CCDC91: variants seen among roughly 807,000 people sequenced by gnomAD.
The protein encoded by CCDC91 is coiled-coil domain-containing protein 91.
In CCDC91, 48 loss-of-function variants were observed where a neutral mutation model predicts 63.2. The observed-to-expected ratio is 0.76, with a 90% CI of 0.60 to 0.97. The LOEUF (loss-of-function observed/expected upper bound fraction) is 0.97. Ranked by LOEUF, CCDC91 falls within the 50% of genes least tolerant of loss-of-function variation. CCDC91 has a pLI of 0.00. For synonymous variants in CCDC91, 167 were observed against 165.8 expected, an observed-to-expected ratio of 1.01 and a Z score of -0.06; for missense variants, 500 against 494.6, an observed-to-expected ratio of 1.01 and a Z score of -0.10.
intron 11 of CCDC91, among the ~76,000 whole-genome samples, chr12:28,483,052 GTCTT>G (rs1225909476): frequency 2.6e-5 from 4 of 151,890 alleles, no homozygotes; most frequent in Non-Finnish European, 5.9e-5. Flanking sequence ...ATATATGTGT[GTCTT>G]TCTTTGTGTT....
chr12:28,272,421 T>G (rs942640030), intron 3 of CCDC91, among the ~76,000 whole-genome samples: 2 of 151,744 alleles, frequency 1.3e-5, no homozygotes, highest in African/African-American at 4.8e-5. Context: ...AGTCGCTTTT[T>G]TTTTTTTTTG....
intron 1 of CCDC91, chr12:28,256,643 T>G (rs1946476082): frequency 6.5e-6 from 1 of 152,846 alleles, no homozygotes; most frequent in Non-Finnish European, 1.5e-5. Flanking sequence ...ATCAGCCTAG[T>G]AACTTGCTCC....
intron 6 of CCDC91, among the ~76,000 whole-genome samples, chr12:28,347,524 C>T (rs941779298): frequency 2.6e-5 from 4 of 152,164 alleles, no homozygotes; most frequent in African/African-American, 9.7e-5. Flanking sequence ...AGATTAGGTA[C>T]AGTTACTTAG....
chr12:28,410,421 A>C (rs893155758), intron 8 of CCDC91, among the ~76,000 whole-genome samples: 2 of 152,132 alleles, frequency 1.3e-5, no homozygotes, highest in Admixed American at 6.5e-5. Flanking sequence ...TTATGTTTCA[A>C]ATGGGTTTTC....
chr12:28,278,408 T>A (rs1948386804), intron 3 of CCDC91, among the ~76,000 whole-genome samples: 1 of 152,072 alleles, frequency 6.6e-6, no homozygotes, highest in Admixed American at 6.6e-5. Flanking sequence ...ATGCCATCAT[T>A]CTTGACCCTT....
chr12:28,537,266 A>G (rs1942252010), intron 12 of CCDC91, among the ~76,000 whole-genome samples: 1 of 152,096 alleles, frequency 6.6e-6, no homozygotes, highest in African/African-American at 2.4e-5. Flanking sequence ...AGTTAAACAA[A>G]TTTTCTTTCG....
chr12:28,445,571 A>G (rs564809523), intron 8 of CCDC91, among the ~76,000 whole-genome samples: 4 of 152,338 alleles, frequency 2.6e-5, no homozygotes, highest in Admixed American at 1.3e-4. Context: ...TCTGAAAACA[A>G]GAGGAATGGT....
intron 6 of CCDC91, among the ~76,000 whole-genome samples, chr12:28,314,396 G>A (rs145334658): frequency 2.0e-5 from 3 of 152,092 alleles, no homozygotes; most frequent in African/African-American, 7.2e-5. Flanking sequence ...GACATTGGGC[G>A]CTTGGCAAGA....
At chr12:28,218,616 G>C (rs999460076) in intron 1 of CCDC91, among the ~76,000 whole-genome samples, 3 of 151,882 alleles carry the variant, frequency 2.0e-5, no homozygotes, top group Admixed American at 6.6e-5. Flanking sequence ...ACCACCTCTG[G>C]TCCCTGGCAA....
chr12:28,268,723 G>T, intron 3 of CCDC91: 1 of 932,906 alleles, frequency 1.1e-6, no homozygotes, highest in Non-Finnish European at 1.3e-6. Flanking sequence ...ACTCAGTAGG[G>T]ATGGCATGGG....
chr12:28,288,297 C>T (rs1334692859), intron 3 of CCDC91, among the ~76,000 whole-genome samples: 1 of 152,132 alleles, frequency 6.6e-6, no homozygotes, highest in Admixed American at 6.5e-5. Context: ...AAGGGAAATG[C>T]TTTCAGCTTT....
At chr12:28,370,538 G>A (rs897151817) in intron 7 of CCDC91, among the ~76,000 whole-genome samples, 1 of 152,158 alleles carries the variant, frequency 6.6e-6, no homozygotes, top group African/African-American at 2.4e-5. Context: ...ACATCTTCCT[G>A]TCTTCTTCTG....
Position 28,391,423 on chromosome 12 carries a change from G to A in CCDC91, c.762+12G>A. On this transcript the variant is annotated intron_variant, in intron 8 of 12. Coordinates refer to ENST00000536442, the MANE Select transcript of CCDC91 (RefSeq NM_018318.5). The stretch of plus-strand genomic sequence containing the variant: ...TGCTAAATGCTCAGGTAATAAAAGT[G>A]CACATCCATTATATATTTATACTTT... 1 of 1,455,910 alleles carries A rather than the reference G, an allele frequency of 6.9e-7. No individual in the cohort carries two copies. The highest frequency in any genetic ancestry group is 9.6e-7 in the Non-Finnish European group (1 of 1,036,348). The allele number at this position is 1,455,910 out of a possible 1,614,324, so 90.2% of individuals were successfully genotyped here.
At chr12:28,485,287 T>C (rs1330738933) in intron 12 of CCDC91, among the ~76,000 whole-genome samples, 2 of 152,066 alleles carry the variant, frequency 1.3e-5, no homozygotes, top group East Asian at 3.9e-4. Flanking sequence ...GCCTCCTGAG[T>C]AGCTGAAATT....
chr12:28,262,637 T>C (rs1467569654), intron 3 of CCDC91, among the ~76,000 whole-genome samples: 1 of 152,034 alleles, frequency 6.6e-6, no homozygotes, highest in Non-Finnish European at 1.5e-5. Flanking sequence ...TTATAGGCAA[T>C]GTTGATGAAA....
At chr12:28,539,731 G>T (rs1942486832) in intron 12 of CCDC91, among the ~76,000 whole-genome samples, 1 of 152,132 alleles carries the variant, frequency 6.6e-6, no homozygotes, top group South Asian at 2.1e-4. Context: ...CTTAGATCCA[G>T]GTGGGAGGCA....
chr12:28,501,441 C>T (rs2141131065), intron 12 of CCDC91, among the ~76,000 whole-genome samples: 1 of 152,008 alleles, frequency 6.6e-6, no homozygotes, highest in African/African-American at 2.4e-5. Context: ...TGTCAAAGGC[C>T]TTTACTGCAT....
chr12:28,220,263 G>A (rs750777876), intron 1 of CCDC91, among the ~76,000 whole-genome samples: 8 of 151,272 alleles, frequency 5.3e-5, no homozygotes, highest in Non-Finnish European at 1.0e-4. Context: ...GTATATCTTT[G>A]CTAATTAATT....
chr12:28,202,610 A>G lies in CCDC91; in HGVS notation c.-15+11969A>G, dbSNP rs185286645. The stretch of plus-strand genomic sequence containing the variant: ...GCCTTTGCTGGTGGTCTCTGTGTGC[A>G]TGATGGGGCATGCCTTCAATGCTTA... On this transcript the variant is annotated intron_variant, in intron 1 of 12. Coordinates refer to ENST00000536442, the MANE Select transcript of CCDC91 (RefSeq NM_018318.5). Among the ~76,000 whole-genome samples, 5 of 152,352 alleles carry G rather than the reference A, an allele frequency of 3.3e-5. No individual in the cohort carries two copies. The East Asian group carries it at 7.7e-4, about 24-fold the overall frequency.
Sources: gnomAD v4.1 joint callset for allele counts (sites outside exome capture counted in the v4.1 genomes callset) on GRCh38, gnomAD v4.1.1 for gene constraint, MANE v1.5 for transcripts, NCBI Gene and HGNC (gene_info 2026-07-23, HGNC 2026-07-21) for gene names.